KCNIP2: variants seen among roughly 807,000 people sequenced by gnomAD.
KCNIP2 encodes potassium voltage-gated channel interacting protein 2.
In KCNIP2, 19 loss-of-function variants were observed where a neutral mutation model predicts 39.0. The observed-to-expected ratio is 0.49, with a 90% confidence interval of 0.34 to 0.71. KCNIP2 has a LOEUF of 0.71. KCNIP2 is among the 30% of genes least tolerant of loss of function. KCNIP2 has a pLI of 0.01. For missense variants in KCNIP2, 261 were observed against 346.0 expected (o/e 0.75, Z 1.95); for synonymous variants, 111 against 131.2 (o/e 0.85, Z 1.05).
At chr10:101,830,541 G>A (rs1343593710) in intron 2 of KCNIP2, 1 of 1,058,976 alleles carries the variant, frequency 9.4e-7, no homozygotes, top group African/African-American at 1.7e-5. Flanking sequence ...GGGTCCCACA[G>A]TTTTGCGGGA....
intron 2 of KCNIP2, chr10:101,830,395 G>A: frequency 7.8e-7 from 1 of 1,284,484 alleles, no homozygotes; most frequent in Non-Finnish European, 1.0e-6. Context: ...TGGGGAAGGG[G>A]GCGGCCGCAC....
At chr10:101,842,221 G>T (rs887091022) in intron 1 of KCNIP2, among the ~76,000 whole-genome samples, 1 of 152,218 alleles carries the variant, frequency 6.6e-6, no homozygotes, top group African/African-American at 2.4e-5. Flanking sequence ...AGAGCAGGCT[G>T]CACAATGAGA....
intron 2 of KCNIP2, chr10:101,830,568 G>A: frequency 1.4e-6 from 1 of 708,018 alleles, no homozygotes; most frequent in Non-Finnish European, 2.0e-6. Context: ...ACACACACCC[G>A]CTCCCAACTG....
chr10:101,827,041 G>A lies in KCNIP2; in HGVS notation c.*312C>T, dbSNP rs1379568280. On this transcript the variant is annotated 3_prime_UTR_variant, in exon 10 of 10. Transcript: ENST00000356640. ...ATAGCAGGAGACATCTGTCTAGTGT[G>A]TTTCTAGAGTAGGGGTAGGAGGTGG... 3.2e-6 allele frequency: 1 copy of A among 309,320 alleles called. No homozygotes were observed. Among genetic ancestry groups the A allele is most frequent in the African/African-American group, 2.1e-5 (1 of 46,746 alleles). 19.2% of individuals were successfully genotyped at this position (309,320 alleles called of 1,614,324 possible).
At chr10:101,832,860 C>T (rs2066041896) in intron 1 of KCNIP2, among the ~76,000 whole-genome samples, 2 of 152,104 alleles carry the variant, frequency 1.3e-5, no homozygotes, top group African/African-American at 2.4e-5. Context: ...TTTCCAGATG[C>T]CCTCTCTTCC....
intron 1 of KCNIP2, among the ~76,000 whole-genome samples, chr10:101,833,389 T>G (rs1026659975): frequency 1.3e-5 from 2 of 152,128 alleles, no homozygotes; most frequent in Admixed American, 1.3e-4. Context: ...TGGATCCTGA[T>G]AGGAGCTTGG....
At chr10:101,830,707 A>G (rs1278204566) in intron 2 of KCNIP2, among the ~76,000 whole-genome samples, 31 of 147,600 alleles carry the variant, frequency 2.1e-4, no homozygotes, top group Non-Finnish European at 3.3e-4. Flanking sequence ...ACACACACAC[A>G]CACGCACGCA....
intron 3 of KCNIP2, chr10:101,829,627 C>T (rs2065890363): frequency 1.3e-5 from 2 of 150,490 alleles, no homozygotes; most frequent in Non-Finnish European, 2.8e-5. Context: ...TCCCCTCGTC[C>T]CACCCAGCCC....
intron 1 of KCNIP2, 63 bp from the exon 2 acceptor site, chr10:101,831,230 C>T: frequency 3.2e-6 from 4 of 1,246,006 alleles, no homozygotes; most frequent in Non-Finnish European, 4.5e-6. Flanking sequence ...TTCCCTGTCC[C>T]CTCCCCGCCA....
In KCNIP2 at chr10:101,830,550, G is replaced by T. The variant is rs1041489122; in HGVS notation, c.169+522C>A. The T allele has an allele frequency of 7.1e-6, 7 of 980,500 alleles. No individual in the cohort carries two copies. In the Admixed American group the frequency reaches 1.1e-4, roughly 16 times the overall value. The allele number at this position is 980,500 out of a possible 1,614,324, so 60.7% of individuals were successfully genotyped here. The stretch of plus-strand genomic sequence containing the variant: ...ACTCTCGGGTCCCACAGTTTTGCGG[G>T]AGCGGTGACACACACCCGCTCCCAA... On this transcript the variant is annotated intron_variant, in intron 2 of 9. Coordinates refer to ENST00000356640, the MANE Select transcript of KCNIP2 (RefSeq NM_173191.3).
rs1025330643 is a variant in KCNIP2 at position 101,828,055 on chromosome 10, C to A, written c.598-62G>T. ...GCCTCCAGCCTCCCTTGATCCCTTG[C>A]TTGTGGGCATATGTGGGTCATATTT... On this transcript the variant is annotated intron_variant, in intron 7 of 9. Transcript: ENST00000356640. The surrounding 1 kb of genome is among the most constrained non-coding windows in gnomAD (Gnocchi z 6.6). 1.9e-6 allele frequency: 3 copies of A among 1,556,292 alleles called. No homozygotes were observed. In the African/African-American group the frequency reaches 4.1e-5, roughly 21 times the overall value.
At chr10:101,829,279 T>TC in intron 3 of KCNIP2, 80 bp from the exon 4 acceptor site, 3 of 1,441,516 alleles carry the variant, frequency 2.1e-6, no homozygotes, top group Non-Finnish European at 2.8e-6. Flanking sequence ...ATTCACCCCC[T>TC]CCCCGCCCCC....
At chr10:101,837,591 G>C (rs1432642959) in intron 1 of KCNIP2, among the ~76,000 whole-genome samples, 2 of 152,134 alleles carry the variant, frequency 1.3e-5, no homozygotes, top group East Asian at 3.9e-4. Flanking sequence ...GCTTGAACCT[G>C]GGAGGCGGAG....
chr10:101,832,527 CAGG>C (rs1014264329), intron 1 of KCNIP2, among the ~76,000 whole-genome samples: 2 of 152,154 alleles, frequency 1.3e-5, no homozygotes, highest in African/African-American at 4.8e-5. Context: ...GCCCTGTTCT[CAGG>C]AGGTGACTGG....
Position 101,843,037 on chromosome 10 carries a change from T to C in KCNIP2, c.73+459A>G, listed in dbSNP as rs1035757940. Among the ~76,000 whole-genome samples, 2 of 152,126 alleles carry C rather than the reference T, an allele frequency of 1.3e-5. No homozygotes were observed. The highest frequency in any genetic ancestry group is 4.8e-5 in the African/African-American group (2 of 41,414). On this transcript the variant is annotated intron_variant, in intron 1 of 9. Coordinates refer to ENST00000356640, the MANE Select transcript of KCNIP2 (RefSeq NM_173191.3). The surrounding 1 kb of genome is among the most constrained non-coding windows in gnomAD (Gnocchi z 6.7). ...CATCGTTGCACATAGAGACACATGGTCAAAACAACTTCATCAGTACAACCA... is the reference window on the plus strand; with the variant it reads ...CATCGTTGCACATAGAGACACATGGCCAAAACAACTTCATCAGTACAACCA...
At chr10:101,830,169 T>G (rs1302761868) in intron 2 of KCNIP2, among the ~76,000 whole-genome samples, 1 of 152,050 alleles carries the variant, frequency 6.6e-6, no homozygotes, top group Non-Finnish European at 1.5e-5. Flanking sequence ...GTTTGCAAAA[T>G]GCAGTATGAT....
chr10:101,830,095 G>A (rs1207060622), intron 2 of KCNIP2, among the ~76,000 whole-genome samples, 198 bp from the exon 3 acceptor site: 1 of 152,072 alleles, frequency 6.6e-6, no homozygotes, highest in Non-Finnish European at 1.5e-5. Flanking sequence ...ATCCACCCCC[G>A]TGTGGGACCC....
rs1464945368 is a variant in KCNIP2, at chr10:101,830,993, G to GCA, written c.169+77_169+78dup. 5 of 1,261,434 alleles carry GCA rather than the reference G, an allele frequency of 4.0e-6. No individual in the cohort carries two copies. In the East Asian group the frequency reaches 9.8e-5, roughly 25 times the overall value. 78.1% of individuals were successfully genotyped at this position (1,261,434 alleles called of 1,614,324 possible). A position where few individuals can be genotyped will look rare whatever the true frequency, so the allele number is the denominator to read the frequency against. On this transcript the variant is annotated intron_variant, in intron 2 of 9. Transcript: ENST00000356640. Reference sequence around the variant, plus strand: ...GCATGCGCACACTCGCAGGCCTGGGGCACACGCGCACACACTCATGCACAG... The same window carrying GCA: ...GCATGCGCACACTCGCAGGCCTGGGGCACACACGCGCACACACTCATGCACAG...
At chr10:101,829,965 T>C (rs1390577128) in intron 2 of KCNIP2, 68 bp from the exon 3 acceptor site, 1 of 1,512,180 alleles carries the variant, frequency 6.6e-7, no homozygotes, top group South Asian at 1.2e-5. Flanking sequence ...ACCTGGCCCC[T>C]CACACTCAGA....
Sources: allele counts gnomAD v4.1 joint callset (sites outside exome capture counted in the v4.1 genomes callset), GRCh38; gene constraint gnomAD v4.1.1; non-coding constraint Gnocchi (gnomAD v3.1); transcripts MANE v1.5; gene names NCBI Gene and HGNC (gene_info 2026-07-23, HGNC 2026-07-21).